The following CNGB1 variants were observed in gnomAD, a reference collection of about 807,000 sequenced individuals.
CNGB1 encodes cyclic nucleotide-gated channel beta-1.
A neutral mutation model predicts 151.7 loss-of-function variants in CNGB1; 126 were observed. That is an observed-to-expected ratio of 0.83 (90% CI 0.72 to 0.96). The LOEUF is 0.96. CNGB1 is among the 40% of genes least tolerant of loss of function. The probability of loss-of-function intolerance (pLI) is 0.00; values close to 1 mark genes in which losing one functional copy is unlikely to be tolerated. For synonymous variants in CNGB1, 623 were observed against 635.1 expected (o/e 0.98, Z 0.29); for missense variants, 1,698 against 1,627.0 (o/e 1.04, Z -0.75).
intron 14 of CNGB1, among the ~76,000 whole-genome samples, chr16:57,941,428 T>C (rs1302319151): frequency 2.6e-5 from 4 of 152,210 alleles, no homozygotes; most frequent in Non-Finnish European, 5.9e-5. Flanking sequence ...GACGGGATTG[T>C]TGCCTAGTCG....
chr16:57,964,671 C>T, intron 2 of CNGB1, 127 bp from the exon 3 acceptor site: 3 of 932,188 alleles, frequency 3.2e-6, no homozygotes, highest in Non-Finnish European at 5.1e-6. Context: ...TCCTCAGGAT[C>T]ATCTCTGTAA....
At chr16:57,885,958 T>C (rs1277089217) in intron 32 of CNGB1, among the ~76,000 whole-genome samples, 1 of 152,146 alleles carries the variant, frequency 6.6e-6, no homozygotes, top group African/African-American at 2.4e-5. Context: ...ATCGTGGAAC[T>C]TCCTGAAGCA....
At chr16:57,933,682 A>G (rs78982755) in intron 16 of CNGB1, among the ~76,000 whole-genome samples, 3,967 of 151,736 alleles carry the variant, frequency 0.026, 199 homozygotes, top group African/African-American at 0.091. Context: ...TTTTGAAATA[A>G]TTATATATGT....
Position 57,920,542 on chromosome 16 carries a change from C to T in CNGB1, c.1646G>A (p.Gly549Asp), listed in dbSNP as rs757197429. Residue 549 changes from glycine (G) to aspartate (D), a missense_variant and splice_region_variant, in exon 19 of 33, where the codon GGC (glycine) becomes GAC (aspartate). By Grantham distance (94) the Gly-to-Asp change is moderately conservative. Coordinates refer to ENST00000251102, the MANE Select transcript of CNGB1 (RefSeq NM_001297.5). ...GGCCGTGGAGGCCGCACGGTCCTGG[C>T]CACTGTGGGAACATCACCCAAAGCT... ...SDPTTPKDTD[G>D]QDRAASTAST... The T allele has an allele frequency of 1.9e-6, 3 of 1,612,348 alleles. No individual in the cohort carries two copies. Among genetic ancestry groups the T allele is most frequent in the Non-Finnish European group, 1.7e-6 (2 of 1,180,030 alleles).
chr16:57,952,324 G>A (rs1407186998), intron 12 of CNGB1, among the ~76,000 whole-genome samples: 2 of 152,104 alleles, frequency 1.3e-5, no homozygotes, highest in Non-Finnish European at 2.9e-5. Flanking sequence ...ACTATCCCAG[G>A]TGATAAATGT....
chr16:57,945,147 T>C (rs1450546176), intron 14 of CNGB1, among the ~76,000 whole-genome samples: 2 of 152,180 alleles, frequency 1.3e-5, no homozygotes, highest in East Asian at 3.9e-4. Flanking sequence ...AAGGTGGGCC[T>C]GGATAAGATA....
chr16:57,964,299 C>T (rs1310526124), intron 3 of CNGB1, 97 bp from the exon 4 acceptor site: 1 of 1,445,354 alleles, frequency 6.9e-7, no homozygotes, highest in East Asian at 2.3e-5. Context: ...GAGAGAGACC[C>T]CCAGGGGTCA....
chr16:57,884,559 G>C (rs1328909694), intron 32 of CNGB1, 102 bp from the exon 33 acceptor site: 35 of 1,318,742 alleles, frequency 2.7e-5, no homozygotes, highest in Non-Finnish European at 3.4e-5. Flanking sequence ...CCCCCAAAGA[G>C]GGCAGCGGAA....
intron 10 of CNGB1, among the ~76,000 whole-genome samples, chr16:57,959,604 AAAAAC>A (rs1284585631): frequency 9.9e-5 from 7 of 70,660 alleles, no homozygotes; most frequent in Non-Finnish European, 2.6e-4. Context: ...TCGGTCTCAA[AAAAAC>A]AAACAAACAA....
chr16:57,934,137 G>A (rs1961440868), intron 16 of CNGB1, among the ~76,000 whole-genome samples: 1 of 152,162 alleles, frequency 6.6e-6, no homozygotes, highest in Non-Finnish European at 1.5e-5. Flanking sequence ...AGAAGAGGAT[G>A]AGCAGGAATG....
intron 25 of CNGB1, among the ~76,000 whole-genome samples, chr16:57,910,050 A>G (rs1960666229): frequency 6.6e-6 from 1 of 152,224 alleles, no homozygotes; most frequent in Non-Finnish European, 1.5e-5. Context: ...ACCATTGTAA[A>G]CCAAAAATAA....
chr16:57,934,897 C>A (rs1241124776), intron 16 of CNGB1, among the ~76,000 whole-genome samples: 1 of 149,620 alleles, frequency 6.7e-6, no homozygotes, highest in East Asian at 2.0e-4. Flanking sequence ...GCGGAGCTTG[C>A]AGTGAGCTGA....
At chr16:57,913,403 T>G (rs1232991102) in intron 23 of CNGB1, among the ~76,000 whole-genome samples, 1 of 152,124 alleles carries the variant, frequency 6.6e-6, no homozygotes, top group Admixed American at 6.5e-5. Flanking sequence ...CCTTCAAAGG[T>G]TTATTTATAA....
At position 57,911,831 on chromosome 16, in the gene CNGB1, T is replaced by C; in HGVS notation, c.2414A>G (p.Asn805Ser). The C allele has an allele frequency of 1.9e-6, 3 of 1,614,004 alleles. No individual in the cohort carries two copies. The South Asian group carries it at 3.3e-5, about 18-fold the overall frequency. ...TAYLLYSLHL[N>S]SCLYYWASAY... ...CGATGCCCAGTAATAAAGACAGGAA[T>C]TCAAATGCAGGCTGTAGAGAAGGTA... The change falls in exon 25 of 33, where the codon AAT (asparagine) becomes AGT (serine). Residue 805 changes from asparagine to serine, a missense_variant. Physicochemically the swap from Asn to Ser is conservative, Grantham distance 46 (BLOSUM62 1). Coordinates refer to ENST00000251102, the MANE Select transcript of CNGB1 (RefSeq NM_001297.5).
At chr16:57,952,839 T>A (rs1469345136) in intron 12 of CNGB1, among the ~76,000 whole-genome samples, 1 of 152,106 alleles carries the variant, frequency 6.6e-6, no homozygotes, top group African/African-American at 2.4e-5. Flanking sequence ...GCCTGCAAGA[T>A]GTGTCCTATA....
intron 12 of CNGB1, 27 bp downstream of exon 12, chr16:57,957,314 A>C: frequency 6.2e-7 from 1 of 1,609,350 alleles, no homozygotes; most frequent in East Asian, 2.2e-5. Flanking sequence ...TAATATGTAC[A>C]TGGGGACTCA....
rs771296652 is a variant in CNGB1 at position 57,903,963 on chromosome 16, C to T, written c.2653G>A (p.Ala885Thr). ...MIGQMRDVVG[A>T]ATAGQTYYRS... ...TAGTAGGTCTGTCCGGCGGTGGCGGCCCCTACCACATCTCTCATCTGGGGG... is the reference window on the plus strand; with the variant it reads ...TAGTAGGTCTGTCCGGCGGTGGCGGTCCCTACCACATCTCTCATCTGGGGG... The change falls in exon 27 of 33, where the codon GCC becomes ACC. Residue 885 changes from alanine (A) to threonine (T), a missense_variant. Transcript: ENST00000251102. 1.9e-6 allele frequency: 3 copies of T among 1,613,812 alleles called. No individual in the cohort carries two copies. The highest frequency in any genetic ancestry group is 2.2e-5 in the South Asian group (2 of 91,040).
chr16:57,945,052 C>T (rs1234416061), intron 14 of CNGB1, among the ~76,000 whole-genome samples: 1 of 151,534 alleles, frequency 6.6e-6, no homozygotes. Flanking sequence ...CCTGACAGAT[C>T]GTAACTGTTA....
At chr16:57,892,273 A>C (rs1005774249) in intron 31 of CNGB1, among the ~76,000 whole-genome samples, 1 of 152,116 alleles carries the variant, frequency 6.6e-6, no homozygotes, top group Non-Finnish European at 1.5e-5. Flanking sequence ...TTGCAAGTCC[A>C]TTTCAGTGAG....
Sources: allele counts gnomAD v4.1 joint callset (sites outside exome capture counted in the v4.1 genomes callset), GRCh38; gene constraint gnomAD v4.1.1; transcripts MANE v1.5; gene names NCBI Gene and HGNC (gene_info 2026-07-23, HGNC 2026-07-21).